Variants in PLS1 observed in about 807,000 individuals in gnomAD.
PLS1 encodes plastin-1.
Under a neutral mutation model 73.7 loss-of-function variants are expected in PLS1, and 32 were observed. The observed-to-expected ratio is 0.43, with a 90% confidence interval of 0.33 to 0.58. The LOEUF (loss-of-function observed/expected upper bound fraction) is 0.58. Ranked by LOEUF, PLS1 falls within the 20% of genes least tolerant of loss-of-function variation. The pLI is 0.04. For missense variants in PLS1, 633 were observed against 740.5 expected (o/e 0.85, Z 1.68); for synonymous variants, 217 against 261.3 (o/e 0.83, Z 1.63).
At chr3:142,616,118 A>G (rs905182157) in intron 1 of PLS1, among the ~76,000 whole-genome samples, 1 of 152,208 alleles carries the variant, frequency 6.6e-6, no homozygotes, top group Non-Finnish European at 1.5e-5. Flanking sequence ...GGAGAGTGAG[A>G]AAGAAGTGCA....
At chr3:142,644,349 C>T (rs1215121378) in intron 1 of PLS1, among the ~76,000 whole-genome samples, 1 of 152,046 alleles carries the variant, frequency 6.6e-6, no homozygotes, top group Non-Finnish European at 1.5e-5. Flanking sequence ...TTCCCAGGCT[C>T]AAGGGATTCT....
At chr3:142,699,342 C>T (rs1300700144) in intron 12 of PLS1, among the ~76,000 whole-genome samples, 1 of 152,060 alleles carries the variant, frequency 6.6e-6, no homozygotes, top group Non-Finnish European at 1.5e-5. Context: ...GCCTGTAATC[C>T]CAGCTACTCG....
At chr3:142,613,867 A>G (rs1027734960) in intron 1 of PLS1, among the ~76,000 whole-genome samples, 1 of 152,260 alleles carries the variant, frequency 6.6e-6, no homozygotes, top group African/African-American at 2.4e-5. Flanking sequence ...CTAAATGAAG[A>G]GGACTACCAG....
At chr3:142,675,766 C>T (rs1038856416) in intron 4 of PLS1, among the ~76,000 whole-genome samples, 1 of 152,052 alleles carries the variant, frequency 6.6e-6, no homozygotes, top group Admixed American at 6.6e-5. Flanking sequence ...ACCTCCACCC[C>T]CCGGTTCAAG....
At chr3:142,653,314 C>G (rs7430429) in intron 1 of PLS1, among the ~76,000 whole-genome samples, 94,202 of 151,294 alleles carry the variant, frequency 0.62, 29,806 homozygotes, top group African/African-American at 0.68. Context: ...AGCCTTCTCA[C>G]ATCACCATTC....
chr3:142,676,424 A>G, intron 5 of PLS1, 135 bp downstream of exon 5: 1 of 815,872 alleles, frequency 1.2e-6, no homozygotes, highest in Middle Eastern at 2.3e-4. Flanking sequence ...TTTATATTGC[A>G]TAGAAAATGA....
intron 4 of PLS1, among the ~76,000 whole-genome samples, chr3:142,674,435 A>G (rs2037675840): frequency 6.6e-6 from 1 of 152,208 alleles, no homozygotes; most frequent in Non-Finnish European, 1.5e-5. Context: ...ACTTAATTCT[A>G]GGAACTGGGG....
intron 12 of PLS1, among the ~76,000 whole-genome samples, chr3:142,699,993 A>C (rs2038293306): frequency 6.6e-6 from 1 of 152,196 alleles, no homozygotes; most frequent in South Asian, 2.1e-4. Context: ...TTTCTCCAAA[A>C]TTTTGAATGC....
At chr3:142,650,463 C>G (rs2037062783) in intron 1 of PLS1, among the ~76,000 whole-genome samples, 1 of 152,000 alleles carries the variant, frequency 6.6e-6, no homozygotes, top group South Asian at 2.1e-4. Context: ...CTGCTCTGAC[C>G]TCTACTTCCT....
At chr3:142,599,505 A>G (rs1445892371) in intron 1 of PLS1, among the ~76,000 whole-genome samples, 1 of 150,732 alleles carries the variant, frequency 6.6e-6, no homozygotes, top group South Asian at 2.1e-4. Flanking sequence ...AATTTTTTGT[A>G]TTTTTAGTAG....
intron 1 of PLS1, among the ~76,000 whole-genome samples, chr3:142,599,044 CTTAG>C (rs1008539540): frequency 2.0e-5 from 3 of 151,712 alleles, no homozygotes; most frequent in African/African-American, 7.3e-5. Context: ...GTCTCTGTTT[CTTAG>C]TTAGTGATGT....
chr3:142,675,675 G>A (rs1161830362), intron 4 of PLS1, among the ~76,000 whole-genome samples: 5 of 147,056 alleles, frequency 3.4e-5, no homozygotes, highest in Non-Finnish European at 6.0e-5. Flanking sequence ...GTGAGCCACC[G>A]TGCTCCCCGT....
intron 6 of PLS1, among the ~76,000 whole-genome samples, chr3:142,678,995 G>T (rs1282932427): frequency 6.6e-6 from 1 of 152,004 alleles, no homozygotes; most frequent in Non-Finnish European, 1.5e-5. Flanking sequence ...TCTCATTGTG[G>T]TTTTGATTTG....
chr3:142,650,485 G>A (rs2037063283), intron 1 of PLS1, among the ~76,000 whole-genome samples: 1 of 151,956 alleles, frequency 6.6e-6, no homozygotes, highest in African/African-American at 2.4e-5. Context: ...TCTGATTCAG[G>A]GGATCATGTG....
At chr3:142,637,384 C>T (rs6440099) in intron 1 of PLS1, among the ~76,000 whole-genome samples, 91,459 of 151,900 alleles carry the variant, frequency 0.6, 28,168 homozygotes, top group African/African-American at 0.73. Flanking sequence ...CAGAGGAGGA[C>T]GGGAAGGAGG....
chr3:142,635,665 A>G (rs1429002544), intron 1 of PLS1, among the ~76,000 whole-genome samples: 1 of 152,198 alleles, frequency 6.6e-6, no homozygotes, highest in Non-Finnish European at 1.5e-5. Flanking sequence ...TTGTTCAGAC[A>G]TCAGTTCCCC....
chr3:142,676,940 T>C (rs988992866), intron 5 of PLS1, among the ~76,000 whole-genome samples: 1 of 151,248 alleles, frequency 6.6e-6, no homozygotes, highest in Non-Finnish European at 1.5e-5. Context: ...TCCTTCAGTC[T>C]TTTTTTTTAT....
chr3:142,702,101 G>A (rs1470687940), intron 12 of PLS1, among the ~76,000 whole-genome samples: 17 of 152,200 alleles, frequency 1.1e-4, no homozygotes, highest in Admixed American at 1.1e-3. Context: ...AGGCTGGAGT[G>A]CATGCTATTC....
intron 1 of PLS1, among the ~76,000 whole-genome samples, chr3:142,613,102 G>A (rs1464180547): frequency 6.6e-6 from 1 of 152,096 alleles, no homozygotes; most frequent in African/African-American, 2.4e-5. Context: ...CAGGAGAAAA[G>A]GACTAAAGAA....
Sources: allele counts gnomAD v4.1 joint callset (sites outside exome capture counted in the v4.1 genomes callset), GRCh38; gene constraint gnomAD v4.1.1; transcripts MANE v1.5; gene names NCBI Gene and HGNC (gene_info 2026-07-23, HGNC 2026-07-21).